SPMIP2: variants seen among roughly 807,000 people sequenced by gnomAD.
SPMIP2 encodes the protein protein SPMIP2.
chr4:158,964,728 G>A, the SPMIP2 span, among the ~76,000 whole-genome samples: 4 of 152,214 alleles, frequency 2.6e-5, no homozygotes, highest in Admixed American at 6.5e-5. Flanking sequence ...ATTTGTAAAG[G>A]AAAGAGGTTT....
chr4:158,961,686 A>G, the SPMIP2 span, among the ~76,000 whole-genome samples: 11 of 152,066 alleles, frequency 7.2e-5, no homozygotes, highest in Admixed American at 1.3e-4. Flanking sequence ...CATCTTCTTA[A>G]TTGGGGAAGA....
the SPMIP2 span, among the ~76,000 whole-genome samples, chr4:159,081,445 C>A: frequency 7.0e-4 from 107 of 152,166 alleles, 1 homozygote; most frequent in African/African-American, 2.5e-3. Context: ...AGTCCCAGCA[C>A]TTTGGGACTG....
chr4:158,893,429 G>C, the SPMIP2 span: 1 of 388,356 alleles, frequency 2.6e-6, no homozygotes. Context: ...ACTTGGAATA[G>C]TGTTAGATGT....
the SPMIP2 span, among the ~76,000 whole-genome samples, chr4:158,935,670 C>G: frequency 6.6e-6 from 1 of 152,118 alleles, no homozygotes; most frequent in African/African-American, 2.4e-5. Flanking sequence ...TTTAAATTTT[C>G]CTTAAACATT....
chr4:158,964,395 G>A, the SPMIP2 span, among the ~76,000 whole-genome samples: 1 of 152,106 alleles, frequency 6.6e-6, no homozygotes, highest in East Asian at 1.9e-4. Flanking sequence ...CTTCATCTTT[G>A]GGAGATCTGA....
At chr4:159,000,469 C>T in the SPMIP2 span, among the ~76,000 whole-genome samples, 4 of 150,702 alleles carry the variant, frequency 2.7e-5, no homozygotes, top group African/African-American at 9.7e-5. Context: ...AGTATGCACT[C>T]TCTTTTGTCT....
chr4:158,966,950 C>G, the SPMIP2 span, among the ~76,000 whole-genome samples: 1 of 152,118 alleles, frequency 6.6e-6, no homozygotes, highest in East Asian at 1.9e-4. Flanking sequence ...TAATTGGGGG[C>G]GGGGATGCCC....
At chr4:159,053,241 C>G in the SPMIP2 span, among the ~76,000 whole-genome samples, 1 of 152,142 alleles carries the variant, frequency 6.6e-6, no homozygotes, top group Non-Finnish European at 1.5e-5. Flanking sequence ...CAGGCGTGAG[C>G]CACCGCGCCC....
At chr4:159,034,929 A>G in the SPMIP2 span, 1 of 830,136 alleles carries the variant, frequency 1.2e-6, no homozygotes, top group Non-Finnish European at 1.9e-6. Context: ...AACAAAAAAC[A>G]TATGTGATCA....
chr4:158,953,504 G>T, the SPMIP2 span, among the ~76,000 whole-genome samples: 1 of 152,226 alleles, frequency 6.6e-6, no homozygotes, highest in African/African-American at 2.4e-5. Context: ...AAACTCTATT[G>T]GAGCAGTGTG....
At chr4:158,975,674 C>A in the SPMIP2 span, among the ~76,000 whole-genome samples, 1 of 152,262 alleles carries the variant, frequency 6.6e-6, no homozygotes, top group Admixed American at 6.5e-5. Context: ...ATTTTGATAC[C>A]AGTACCATAC....
the SPMIP2 span, among the ~76,000 whole-genome samples, chr4:158,961,031 T>C: frequency 1.1e-4 from 16 of 152,102 alleles, no homozygotes; most frequent in African/African-American, 3.9e-4. Context: ...GTCAAATTTA[T>C]ATTGAAAAGC....
chr4:158,996,167 C>A, the SPMIP2 span, among the ~76,000 whole-genome samples: 5 of 152,146 alleles, frequency 3.3e-5, no homozygotes, highest in Admixed American at 1.3e-4. Context: ...CTGATGTAAT[C>A]AAAAATATAA....
At chr4:159,048,230 G>C in the SPMIP2 span, among the ~76,000 whole-genome samples, 1 of 152,192 alleles carries the variant, frequency 6.6e-6, no homozygotes, top group African/African-American at 2.4e-5. Flanking sequence ...AAGCACAAAA[G>C]GGGGTGGGGT....
the SPMIP2 span, among the ~76,000 whole-genome samples, chr4:158,945,964 G>A: frequency 1.8e-4 from 27 of 152,198 alleles, no homozygotes; most frequent in Non-Finnish European, 3.8e-4. Flanking sequence ...CATTTTGTTA[G>A]GTCCAGGAGC....
At chr4:158,960,614 G>A in the SPMIP2 span, among the ~76,000 whole-genome samples, 24 of 152,172 alleles carry the variant, frequency 1.6e-4, no homozygotes, top group African/African-American at 5.1e-4. Flanking sequence ...AGTGTGATGC[G>A]TCATCACTAA....
At chr4:159,012,867 C>T in the SPMIP2 span, among the ~76,000 whole-genome samples, 2 of 152,188 alleles carry the variant, frequency 1.3e-5, no homozygotes, top group Non-Finnish European at 2.9e-5. Flanking sequence ...GCCACTGCAC[C>T]TGGCCAATTT....
the SPMIP2 span, among the ~76,000 whole-genome samples, chr4:159,060,882 C>T: frequency 1.3e-5 from 2 of 152,048 alleles, no homozygotes; most frequent in Admixed American, 1.3e-4. Context: ...CCCAGAAGTT[C>T]AAGACCAGTC....
chr4:159,002,223 A>T, the SPMIP2 span, among the ~76,000 whole-genome samples: 1 of 152,074 alleles, frequency 6.6e-6, no homozygotes. Flanking sequence ...TGGATATTAG[A>T]CCAAGAGTAT....
Sources: allele counts gnomAD v4.1 joint callset (sites outside exome capture counted in the v4.1 genomes callset), GRCh38; gene constraint gnomAD v4.1.1; transcripts MANE v1.5; gene names NCBI Gene and HGNC (gene_info 2026-07-23, HGNC 2026-07-21).